The following ERICH1 variants were observed in gnomAD, a reference collection of about 807,000 sequenced individuals.
ERICH1 encodes the protein glutamate rich 1.
ERICH1 carries 56 observed loss-of-function variants against 39.6 expected under a neutral mutation model. The ratio of observed to expected loss-of-function variants is 1.41; its 90% confidence interval spans 1.14 to 1.77. ERICH1 has a LOEUF of 1.77. Ranked by LOEUF, ERICH1 falls within the 40% of genes most tolerant of loss-of-function variation. The pLI, the probability that ERICH1 is intolerant of heterozygous loss-of-function variation, is 0.00. For missense variants in ERICH1, 826 were observed against 575.4 expected, an observed-to-expected ratio of 1.44 and a Z score of -4.45; for synonymous variants, 313 against 223.6, an observed-to-expected ratio of 1.40 and a Z score of -3.57.
intron 3 of ERICH1, among the ~76,000 whole-genome samples, chr8:650,096 A>G (rs1003023377): frequency 6.6e-6 from 1 of 152,214 alleles, no homozygotes; most frequent in African/African-American, 2.4e-5. Flanking sequence ...CAAGGCCGGA[A>G]GGTTGCGGTC....
intron 3 of ERICH1, among the ~76,000 whole-genome samples, chr8:682,465 C>T (rs1347804716): frequency 6.6e-6 from 1 of 152,238 alleles, no homozygotes; most frequent in African/African-American, 2.4e-5. Flanking sequence ...CTTCTCCACT[C>T]ATGCTGCACC....
chr8:697,699 G>A (rs1320632666), intron 2 of ERICH1, among the ~76,000 whole-genome samples: 3 of 111,296 alleles, frequency 2.7e-5, no homozygotes, highest in Admixed American at 9.2e-5. Context: ...CCCCGCCCCC[G>A]CCCCCTCAGC....
intron 3 of ERICH1, among the ~76,000 whole-genome samples, chr8:683,907 CCT>C (rs556890928): frequency 3.9e-4 from 59 of 152,246 alleles, no homozygotes; most frequent in African/African-American, 1.3e-3. Flanking sequence ...TGAATTCTTC[CCT>C]GAGACAGACT....
intron 3 of ERICH1, among the ~76,000 whole-genome samples, chr8:688,834 A>G (rs1448460939): frequency 1.3e-5 from 2 of 152,262 alleles, no homozygotes; most frequent in South Asian, 4.1e-4. Context: ...TTATCCAACA[A>G]GAAGTACACG....
chr8:635,557 T>A (rs1798362888), intron 3 of ERICH1, among the ~76,000 whole-genome samples: 1 of 152,196 alleles, frequency 6.6e-6, no homozygotes, highest in East Asian at 1.9e-4. Context: ...GCGGCACAGC[T>A]GTGGTCGACC....
chr8:668,153 CACAACA>C, intron 5 of ERICH1: 3 of 257,042 alleles, frequency 1.2e-5, no homozygotes, highest in East Asian at 1.0e-4. Flanking sequence ...TGCTCCAGCA[CACAACA>C]GTTTGCATGA....
At chr8:635,264 T>C (rs1798334215) in intron 3 of ERICH1, among the ~76,000 whole-genome samples, 1 of 152,170 alleles carries the variant, frequency 6.6e-6, no homozygotes, top group Non-Finnish European at 1.5e-5. Context: ...TCCCTTGAGT[T>C]GCGTCAGGTC....
intron 1 of ERICH1, among the ~76,000 whole-genome samples, chr8:729,518 A>T (rs1819524307): frequency 6.6e-6 from 1 of 152,232 alleles, no homozygotes; most frequent in Admixed American, 6.5e-5. Context: ...TATTCCAGCT[A>T]AATCCTCCCT....
At position 658,754 on chromosome 8, in the gene ERICH1, G is replaced by A. The variant is rs151040307; in HGVS notation, c.976+9844C>T. 1.5e-3 allele frequency among the ~76,000 whole-genome samples: 229 copies of A among 152,314 alleles called. 1 individual carries two copies. The highest frequency in any genetic ancestry group is 4.7e-3 in the African/African-American group (197 of 41,578). ...CAAGAGGACTCAGGGAGAAGGTGTC[G>A]TCCACAGCCTCAGGGCAAGGCCTCG... On this transcript the variant is annotated intron_variant, in intron 3 of 3. Transcript: ENST00000522706.
At chr8:690,790 T>G (rs1306308747) in intron 3 of ERICH1, 1 of 152,406 alleles carries the variant, frequency 6.6e-6, no homozygotes, top group African/African-American at 2.4e-5. Flanking sequence ...TTCCTGGGAG[T>G]TGACGTGTGG....
At chr8:719,405 G>A (rs1011325455) in intron 1 of ERICH1, among the ~76,000 whole-genome samples, 5 of 152,234 alleles carry the variant, frequency 3.3e-5, no homozygotes, top group African/African-American at 1.2e-4. Context: ...GTGACACTGA[G>A]GTCATTCACT....
At chr8:682,591 A>C (rs1040309314) in intron 3 of ERICH1, among the ~76,000 whole-genome samples, 2 of 152,218 alleles carry the variant, frequency 1.3e-5, no homozygotes, top group African/African-American at 4.8e-5. Flanking sequence ...AGGGAACCAG[A>C]GGCCGGGCTA....
intron 3 of ERICH1, among the ~76,000 whole-genome samples, chr8:618,966 A>C (rs1472195624): frequency 6.6e-6 from 1 of 152,198 alleles, no homozygotes; most frequent in Non-Finnish European, 1.5e-5. Flanking sequence ...AAAGTCTCTG[A>C]AATTATCCTA....
chr8:640,272 G>A (rs1345908171), intron 3 of ERICH1, among the ~76,000 whole-genome samples: 2 of 152,170 alleles, frequency 1.3e-5, no homozygotes, highest in Admixed American at 1.3e-4. Flanking sequence ...TTCTATTTTG[G>A]CTGAACTTTT....
intron 1 of ERICH1, among the ~76,000 whole-genome samples, chr8:730,486 G>A (rs536850366): frequency 1.3e-5 from 2 of 152,336 alleles, no homozygotes; most frequent in East Asian, 3.9e-4. Context: ...TTATGATGAT[G>A]ATTACACGGT....
intron 1 of ERICH1, among the ~76,000 whole-genome samples, chr8:720,177 C>G (rs187317619): frequency 6.6e-6 from 1 of 152,354 alleles, no homozygotes; most frequent in Admixed American, 6.5e-5. Flanking sequence ...GTCCTGGACA[C>G]CCTCAAAGAC....
chr8:684,590 C>T (rs1806875310), intron 3 of ERICH1, among the ~76,000 whole-genome samples: 3 of 152,150 alleles, frequency 2.0e-5, no homozygotes, highest in Non-Finnish European at 4.4e-5. Flanking sequence ...AAGCCTGCAG[C>T]TTAATTCCAA....
chr8:628,011 G>A (rs1036320623), intron 3 of ERICH1, among the ~76,000 whole-genome samples: 1 of 152,186 alleles, frequency 6.6e-6, no homozygotes, highest in East Asian at 1.9e-4. Flanking sequence ...CAGCAGGGGC[G>A]CCTTCCTGAG....
chr8:695,312 C>CA (rs896971946), intron 2 of ERICH1, among the ~76,000 whole-genome samples: 8 of 152,076 alleles, frequency 5.3e-5, no homozygotes, highest in Non-Finnish European at 1.0e-4. Flanking sequence ...CCTCTCCCCA[C>CA]AGCCCTTGCC....
Sources: allele counts gnomAD v4.1 joint callset (sites outside exome capture counted in the v4.1 genomes callset), GRCh38; gene constraint gnomAD v4.1.1; transcripts MANE v1.5; gene names NCBI Gene and HGNC (gene_info 2026-07-23, HGNC 2026-07-21).